The following RASA1 variants were observed in gnomAD, a reference collection of about 807,000 sequenced individuals.
The protein encoded by RASA1 is ras GTPase-activating protein 1.
RASA1 carries 25 observed loss-of-function variants against 132.2 expected under a neutral mutation model. The ratio of observed to expected loss-of-function variants is 0.19; its 90% CI spans 0.14 to 0.26. The LOEUF is 0.26. RASA1 is among the 10% of genes least tolerant of loss of function. RASA1 has a pLI of 1.00. For missense variants in RASA1, 964 were observed against 1,299.2 expected (o/e 0.74, Z 3.97); for synonymous variants, 477 against 449.9 (o/e 1.06, Z -0.76).
chr5:87,362,799 C>T (rs1760214382), intron 10 of RASA1, 128 bp downstream of exon 10: 2 of 1,058,758 alleles, frequency 1.9e-6, no homozygotes, highest in Non-Finnish European at 2.8e-6. Context: ...TGTTTAGAGC[C>T]CATATATAAG....
chr5:87,377,196 G>C, intron 17 of RASA1, 156 bp downstream of exon 17: 1 of 944,332 alleles, frequency 1.1e-6, no homozygotes. Context: ...TTGGATGTCA[G>C]TTCTGATTAT....
At chr5:87,379,583 TA>T (rs1349196921) in intron 18 of RASA1, 151 bp from the exon 19 acceptor site, 3 of 1,098,506 alleles carry the variant, frequency 2.7e-6, no homozygotes, top group Non-Finnish European at 3.8e-6. Flanking sequence ...GAAAACTACT[TA>T]AAAACTCCCA....
rs1159798476 is a variant in RASA1, at chr5:87,376,874, A to G, written c.2185-7A>G. On this transcript the variant is annotated splice_polypyrimidine_tract_variant and splice_region_variant and intron_variant, in intron 16 of 24. Transcript: ENST00000274376. ...ACTTTAAACAATCTTTTAAAATGTC[A>G]TTTTAGCTTATACTGCAAAAGGAAC... 2 of 1,592,698 alleles carry G rather than the reference A, an allele frequency of 1.3e-6. No homozygotes were observed. The highest frequency in any genetic ancestry group is 3.3e-5 in the Admixed American group (2 of 59,940).
chr5:87,376,660 A>T (rs1761347679), intron 16 of RASA1, 95 bp downstream of exon 16: 1 of 1,434,058 alleles, frequency 7.0e-7, no homozygotes, highest in Non-Finnish European at 9.7e-7. Context: ...AGTAATTCAT[A>T]GCTTAGTAGC....
chr5:87,277,664 G>T (rs1329496531), intron 1 of RASA1, among the ~76,000 whole-genome samples: 1 of 152,074 alleles, frequency 6.6e-6, no homozygotes, highest in Non-Finnish European at 1.5e-5. Flanking sequence ...AGCCCAAACT[G>T]ACTAATACAT....
At chr5:87,379,311 G>C (rs1413577976) in intron 18 of RASA1, among the ~76,000 whole-genome samples, 4 of 152,154 alleles carry the variant, frequency 2.6e-5, no homozygotes, top group African/African-American at 7.2e-5. Flanking sequence ...TTAGAGATAG[G>C]CTACGGAATT....
chr5:87,284,892 A>G (rs1015988324), intron 1 of RASA1, among the ~76,000 whole-genome samples: 3 of 152,126 alleles, frequency 2.0e-5, no homozygotes, highest in Admixed American at 6.5e-5. Flanking sequence ...TGAAATTTTA[A>G]CAAGTGAATA....
chr5:87,289,958 T>C lies in RASA1; in HGVS notation c.539+20968T>C, dbSNP rs147537339. 1.7e-3 allele frequency among the ~76,000 whole-genome samples: 253 copies of C among 152,294 alleles called. 1 individual carries two copies. Among genetic ancestry groups the C allele is most frequent in the African/African-American group, 5.8e-3 (243 of 41,554 alleles). On this transcript the variant is annotated intron_variant, in intron 1 of 24. Coordinates refer to ENST00000274376, the MANE Select transcript of RASA1 (RefSeq NM_002890.3). ...ATAAATTGTCCTTGTGGTTTCTATA[T>C]TAGTCACTTTCGAGCTTTGTTAAAT...
chr5:87,276,914 G>A (rs1306828036), intron 1 of RASA1, among the ~76,000 whole-genome samples: 2 of 152,124 alleles, frequency 1.3e-5, no homozygotes, highest in African/African-American at 4.8e-5. Context: ...CCCTAGCTAA[G>A]TTCATATAAC....
chr5:87,376,953 G>T lies in RASA1; in HGVS notation c.2257G>T (p.Ala753Ser). 1 of 1,611,338 alleles carries T rather than the reference G, an allele frequency of 6.2e-7. No homozygotes were observed. ...ATGTGGACAAGACCGAACACTACTG[G>T]CCAGCATCCTACTGAGGATTTTTCT... ...HVCGQDRTLL[A>S]SILLRIFLHE... Residue 753 changes from alanine to serine, a missense_variant, in exon 17 of 25, where the codon GCC (alanine) becomes TCC (serine). Ala to Ser is a moderately conservative substitution (Grantham distance 99). Transcript: ENST00000274376.
chr5:87,289,594 C>T (rs1389648666), intron 1 of RASA1, among the ~76,000 whole-genome samples: 1 of 151,914 alleles, frequency 6.6e-6, no homozygotes, highest in Admixed American at 6.6e-5. Context: ...TACATGCAGG[C>T]ATGCATGTAT....
At chr5:87,335,850 C>G (rs1328130183) in intron 4 of RASA1, among the ~76,000 whole-genome samples, 2 of 152,132 alleles carry the variant, frequency 1.3e-5, no homozygotes, top group African/African-American at 2.4e-5. Context: ...GTAAAAGATT[C>G]ATTTAAAGTG....
intron 1 of RASA1, among the ~76,000 whole-genome samples, chr5:87,307,014 T>G (rs144007459): frequency 1.3e-5 from 2 of 152,150 alleles, no homozygotes; most frequent in African/African-American, 2.4e-5. Context: ...TGTGCGCCAC[T>G]GTGTGCAGCG....
intron 1 of RASA1, among the ~76,000 whole-genome samples, chr5:87,309,066 C>T (rs1440980614): frequency 6.6e-6 from 1 of 152,088 alleles, no homozygotes; most frequent in Non-Finnish European, 1.5e-5. Flanking sequence ...TTAAAAAGAT[C>T]CCTTTCTGCC....
chr5:87,277,701 A>G (rs1050656204), intron 1 of RASA1, among the ~76,000 whole-genome samples: 5 of 152,080 alleles, frequency 3.3e-5, no homozygotes, highest in African/African-American at 1.2e-4. Flanking sequence ...TTAAAAATGG[A>G]TTTGGATTAT....
intron 1 of RASA1, among the ~76,000 whole-genome samples, chr5:87,329,523 T>C (rs929344843): frequency 3.9e-5 from 6 of 152,174 alleles, no homozygotes; most frequent in African/African-American, 1.4e-4. Context: ...ATATTTCTTA[T>C]AAAGTAGTAA....
chr5:87,366,810 T>C (rs950940563), intron 11 of RASA1, among the ~76,000 whole-genome samples: 1 of 152,208 alleles, frequency 6.6e-6, no homozygotes, highest in Non-Finnish European at 1.5e-5. Flanking sequence ...GGTGGGCTGA[T>C]CGCTTAAGCT....
In RASA1 at chr5:87,335,023, C is replaced by T. The variant is rs189406401; in HGVS notation, c.899+1686C>T. Among the ~76,000 whole-genome samples, 277 of 152,222 alleles carry T rather than the reference C, an allele frequency of 1.8e-3. 1 individual carries two copies. Among genetic ancestry groups the T allele is most frequent in the Admixed American group, 5.0e-3 (76 of 15,292 alleles). Reference sequence around the variant, plus strand: ...TCGGTCTTCTGAGCAGCTGGAATTACAGGCGTGTGTCACCAAGTCCAGCTA... The same window carrying T: ...TCGGTCTTCTGAGCAGCTGGAATTATAGGCGTGTGTCACCAAGTCCAGCTA... On this transcript the variant is annotated intron_variant, in intron 4 of 24. Coordinates refer to ENST00000274376, the MANE Select transcript of RASA1 (RefSeq NM_002890.3).
intron 11 of RASA1, among the ~76,000 whole-genome samples, chr5:87,368,795 G>C (rs1012829359): frequency 2.0e-5 from 3 of 152,184 alleles, no homozygotes; most frequent in African/African-American, 2.4e-5. Flanking sequence ...GAACGGAAAA[G>C]ATGTGGAGAA....
Sources: allele counts gnomAD v4.1 joint callset (sites outside exome capture counted in the v4.1 genomes callset), GRCh38; gene constraint gnomAD v4.1.1; transcripts MANE v1.5; gene names NCBI Gene and HGNC (gene_info 2026-07-23, HGNC 2026-07-21).